PCLO: variants seen among roughly 807,000 people sequenced by gnomAD.
The protein encoded by PCLO is protein piccolo.
PCLO carries 82 observed loss-of-function variants against 427.5 expected under a neutral mutation model. The observed-to-expected ratio is 0.19, with a 90% CI of 0.16 to 0.23. PCLO has a LOEUF of 0.23. Among genes scored for constraint, PCLO ranks in the 10% least tolerant of loss-of-function variants. The pLI is 1.00. For synonymous variants in PCLO, 2,357 were observed against 2,155.4 expected (o/e 1.09, Z -2.59); for missense variants, 6,239 against 6,115.9 (o/e 1.02, Z -0.67).
chr7:83,079,611 A>AT, intron 3 of PCLO, among the ~76,000 whole-genome samples: 1 of 152,220 alleles, frequency 6.6e-6, no homozygotes, highest in African/African-American at 2.4e-5. Context: ...GTTCATACAC[A>AT]TTTTTTGTTG....
chr7:83,093,804 TAAAAA>T (rs55783549), intron 3 of PCLO, among the ~76,000 whole-genome samples: 1 of 126,772 alleles, frequency 7.9e-6, no homozygotes, highest in African/African-American at 3.0e-5. Flanking sequence ...CCACAAATAT[TAAAAA>T]AAAAAAAAAA....
chr7:83,093,492 A>ATATATTTTTTTTTTTTTTTTTTTTTT, intron 3 of PCLO, among the ~76,000 whole-genome samples: 1 of 59,320 alleles, frequency 1.7e-5, no homozygotes, highest in African/African-American at 5.4e-5. Flanking sequence ...ATATATATAT[A>ATATATTTTTTTTTTTTTTTTTTTTTT]TTTTTTTTTT....
intron 1 of PCLO, among the ~76,000 whole-genome samples, chr7:83,157,605 ATATC>A (rs1440738802): frequency 1.3e-5 from 2 of 151,734 alleles, no homozygotes; most frequent in African/African-American, 4.8e-5. Flanking sequence ...TATTTTTTAT[ATATC>A]TATTGTTTTA....
rs531129359 is a variant in PCLO at position 82,962,409 on chromosome 7, T to C, written c.4017+3362A>G. ...CAATATAGTGACAAATCAAACTACA[T>C]TCCTTTGTCAGCAAATGTTGTTGGA... is the stretch of plus-strand genomic sequence containing the variant. On this transcript the variant is annotated intron_variant, in intron 4 of 24. Coordinates refer to ENST00000333891, the MANE Select transcript of PCLO (RefSeq NM_033026.6). 3.0e-4 allele frequency among the ~76,000 whole-genome samples: 45 copies of C among 152,174 alleles called. 2 individuals are homozygous for C. In the South Asian group the frequency reaches 8.7e-3, roughly 29 times the overall value.
intron 3 of PCLO, among the ~76,000 whole-genome samples, chr7:83,096,253 G>C (rs1790534592): frequency 7.3e-6 from 1 of 136,628 alleles, no homozygotes; most frequent in Non-Finnish European, 1.6e-5. Flanking sequence ...TACACAGAGA[G>C]ATAAGCCACA....
chr7:83,035,646 T>C (rs1788775651), intron 3 of PCLO, among the ~76,000 whole-genome samples: 1 of 152,170 alleles, frequency 6.6e-6, no homozygotes, highest in East Asian at 1.9e-4. Context: ...ACTAGTTACT[T>C]TATTAATCAA....
chr7:82,924,057 C>A (rs562647369), intron 6 of PCLO, among the ~76,000 whole-genome samples: 2 of 152,100 alleles, frequency 1.3e-5, no homozygotes, highest in African/African-American at 4.8e-5. Context: ...TGTCCTCAGG[C>A]AGAAAATCCT....
At chr7:83,096,963 T>C (rs1459372166) in intron 3 of PCLO, among the ~76,000 whole-genome samples, 1 of 44,934 alleles carries the variant, frequency 2.2e-5, no homozygotes, top group East Asian at 9.5e-4. Context: ...AATAATATAA[T>C]ATAATATATT....
intron 3 of PCLO, among the ~76,000 whole-genome samples, chr7:83,047,977 G>A (rs1789142870): frequency 6.6e-6 from 1 of 151,952 alleles, no homozygotes; most frequent in African/African-American, 2.4e-5. Context: ...TATTTTATGT[G>A]AGGACCAGAT....
chr7:83,124,840 A>G (rs549293202), intron 3 of PCLO, among the ~76,000 whole-genome samples: 7 of 151,924 alleles, frequency 4.6e-5, no homozygotes, highest in South Asian at 2.1e-4. Flanking sequence ...ATCTCGGCTC[A>G]CTGCAACCTC....
At position 83,134,466 on chromosome 7, in the gene PCLO, T is replaced by C. The variant is rs1562982454; in HGVS notation, c.3084A>G (p.Pro1028=). The C allele has an allele frequency of 6.2e-7, 1 of 1,613,282 alleles. No homozygotes were observed. Residue 1028 remains proline, a synonymous_variant, in exon 3 of 25, where the codon CCA becomes CCG. Coordinates refer to ENST00000333891, the MANE Select transcript of PCLO (RefSeq NM_033026.6). The part of the protein sequence containing the change: ...VKRTETEKKP[P]PIKDSKSLTA... ...TTAAAGATTTGCTATCCTTAATAGG[T>C]GGTGGCTTTTTTTCTGTTTCTGTTC...
chr7:82,949,645 G>A lies in PCLO; in HGVS notation c.10943C>T (p.Pro3648Leu), dbSNP rs1413347023. Reference sequence around the variant, plus strand: ...TACTTTCTGTGGACTTATATCATCAGGGAGGGGTTTTTCATAAGGTACAAA... The same window carrying A: ...TACTTTCTGTGGACTTATATCATCAAGGAGGGGTTTTTCATAAGGTACAAA... ...SAFVPYEKPL[P>L]DDISPQKVLH... Residue 3648 changes from proline to leucine, a missense_variant, in exon 6 of 25, where the codon CCT becomes CTT. Pro to Leu is a moderately conservative substitution (Grantham distance 98). This residue lies in a region of PCLO where 4,677 missense variants were observed against 4,468.4 expected (regional missense o/e 1.05). Coordinates refer to ENST00000333891, the MANE Select transcript of PCLO (RefSeq NM_033026.6). 2 of 1,613,832 alleles carry A rather than the reference G, an allele frequency of 1.2e-6. No individual in the cohort carries two copies. The highest frequency in any genetic ancestry group is 1.7e-6 in the Non-Finnish European group (2 of 1,179,844).
At chr7:83,121,613 T>A (rs1791281278) in intron 3 of PCLO, among the ~76,000 whole-genome samples, 1 of 151,904 alleles carries the variant, frequency 6.6e-6, no homozygotes, top group South Asian at 2.1e-4. Flanking sequence ...CCCAAAAAAA[T>A]TCTGCCTATA....
intron 3 of PCLO, among the ~76,000 whole-genome samples, chr7:83,096,674 T>C (rs1023102284): frequency 8.9e-6 from 1 of 111,984 alleles, no homozygotes; most frequent in Non-Finnish European, 1.8e-5. Context: ...ATTTTGTCAA[T>C]ATTTTTTAAA....
At chr7:83,081,917 G>A (rs1790110662) in intron 3 of PCLO, among the ~76,000 whole-genome samples, 1 of 151,290 alleles carries the variant, frequency 6.6e-6, no homozygotes, top group Non-Finnish European at 1.5e-5. Context: ...TTGTAAATGA[G>A]TAAAAAATAA....
intron 3 of PCLO, among the ~76,000 whole-genome samples, chr7:83,036,398 T>C (rs1788795811): frequency 6.6e-6 from 1 of 152,170 alleles, no homozygotes; most frequent in Non-Finnish European, 1.5e-5. Flanking sequence ...TTAGTAAAGA[T>C]TGCTAAAGCT....
chr7:82,781,679 A>G (rs980734297), intron 22 of PCLO, among the ~76,000 whole-genome samples: 3 of 152,100 alleles, frequency 2.0e-5, no homozygotes, highest in African/African-American at 7.2e-5. Flanking sequence ...AGGAAATAGA[A>G]TCTCTCTCCT....
At chr7:82,969,221 G>A (rs1795849295) in intron 3 of PCLO, among the ~76,000 whole-genome samples, 2 of 152,064 alleles carry the variant, frequency 1.3e-5, no homozygotes, top group South Asian at 4.1e-4. Context: ...TTAGGTATGA[G>A]GATAAAAGGT....
chr7:82,994,175 A>T (rs566883953), intron 3 of PCLO, among the ~76,000 whole-genome samples: 42 of 152,204 alleles, frequency 2.8e-4, no homozygotes, highest in African/African-American at 1.0e-3. Flanking sequence ...AATACAGCAA[A>T]CATATTTGAA....
Sources: allele counts gnomAD v4.1 joint callset (sites outside exome capture counted in the v4.1 genomes callset), GRCh38; gene constraint gnomAD v4.1.1; regional missense constraint gnomAD v4.1.1; transcripts MANE v1.5; gene names NCBI Gene and HGNC (gene_info 2026-07-23, HGNC 2026-07-21).